SLC35D1: variants seen among roughly 807,000 people sequenced by gnomAD.
SLC35D1 encodes solute carrier family 35 member D1.
A neutral mutation model predicts 46.7 loss-of-function variants in SLC35D1; 31 were observed. That is an observed-to-expected ratio of 0.66 (90% CI 0.50 to 0.90). The LOEUF (loss-of-function observed/expected upper bound fraction) is 0.90. Ranked by LOEUF, SLC35D1 falls within the 40% of genes least tolerant of loss-of-function variation. The pLI is 0.00. For synonymous variants in SLC35D1, 195 were observed against 164.6 expected (o/e 1.18, Z -1.41); for missense variants, 397 against 426.2 (o/e 0.93, Z 0.60).
chr1:66,978,209 A>AAAG, the SLC35D1 span, among the ~76,000 whole-genome samples: 1,295 of 149,562 alleles, frequency 8.7e-3, 11 homozygotes, highest in African/African-American at 0.023. Flanking sequence ...AAAAAAAAAA[A>AAAG]AAAGATGTGC....
chr1:67,024,793 G>C, intron 8 of SLC35D1, among the ~76,000 whole-genome samples: 1 of 151,990 alleles, frequency 6.6e-6, no homozygotes, highest in Non-Finnish European at 1.5e-5. Context: ...AACCAGTCTG[G>C]AGTACAGTGG....
chr1:67,050,536 G>A, intron 4 of SLC35D1, 32 bp from the exon 5 acceptor site: 1 of 1,558,432 alleles, frequency 6.4e-7, no homozygotes, highest in Non-Finnish European at 8.8e-7. Flanking sequence ...AGGTAAAATA[G>A]AATTTAACAA....
intron 10 of SLC35D1, among the ~76,000 whole-genome samples, chr1:67,013,898 T>C (rs1667627370): frequency 6.6e-6 from 1 of 152,268 alleles, no homozygotes. Context: ...TAAAAATGTC[T>C]GTATCAAAGT....
intron 10 of SLC35D1, among the ~76,000 whole-genome samples, chr1:67,019,821 T>G (rs1164849496): frequency 6.6e-6 from 1 of 152,226 alleles, no homozygotes; most frequent in Non-Finnish European, 1.5e-5. Context: ...TAGCTCAATA[T>G]TCAAGTCAAC....
At chr1:66,980,516 T>A in the SLC35D1 span, among the ~76,000 whole-genome samples, 1 of 152,202 alleles carries the variant, frequency 6.6e-6, no homozygotes, top group Non-Finnish European at 1.5e-5. Context: ...TAGGTTGAGA[T>A]AACTACAATT....
the SLC35D1 span, among the ~76,000 whole-genome samples, chr1:66,989,853 G>A: frequency 6.6e-6 from 1 of 152,202 alleles, no homozygotes; most frequent in Admixed American, 6.5e-5. Flanking sequence ...CATCAGAATA[G>A]ATTGATCTGA....
rs1400266033 is a variant in SLC35D1, at chr1:67,053,968, C to T, written c.46G>A (p.Ala16Thr). 1 of 1,613,570 alleles carries T rather than the reference C, an allele frequency of 6.2e-7. No homozygotes were observed. The highest frequency in any genetic ancestry group is 1.7e-5 in the Admixed American group (1 of 60,014). Reference sequence around the variant, plus strand: ...CGGAGTGTGGAGGATTTCGCGGGGGCTTCTCCTTTAACCCGAGCATGCTGA... The same window carrying T: ...CGGAGTGTGGAGGATTTCGCGGGGGTTTCTCCTTTAACCCGAGCATGCTGA... ...RRQHARVKGE[A>T]PAKSSTLRDE... The change falls in exon 1 of 12, where the codon GCC (alanine) becomes ACC (threonine). Residue 16 changes from alanine to threonine, a missense_variant. Physicochemically the swap from Ala to Thr is moderately conservative, Grantham distance 58. Coordinates refer to ENST00000235345, the MANE Select transcript of SLC35D1 (RefSeq NM_015139.3).
chr1:67,035,828 G>A (rs1263933379), intron 8 of SLC35D1, among the ~76,000 whole-genome samples: 1 of 136,406 alleles, frequency 7.3e-6, no homozygotes, highest in Non-Finnish European at 1.6e-5. Context: ...TTTTGATGTA[G>A]GCATTTACAG....
chr1:66,976,844 CGA>C, the SLC35D1 span: 2 of 770,494 alleles, frequency 2.6e-6, no homozygotes, highest in South Asian at 2.9e-5. Context: ...ACCAGAAGGC[CGA>C]GAGTGATAAA....
chr1:67,004,079 TAAGAAA>T lies in SLC35D1; in HGVS notation c.*255_*260del. The T allele has an allele frequency of 2.5e-6, 1 of 396,704 alleles. No homozygotes were observed. Among genetic ancestry groups the T allele is most frequent in the South Asian group, 2.5e-5 (1 of 39,532 alleles). 24.6% of individuals were successfully genotyped at this position (396,704 alleles called of 1,614,324 possible). Reference sequence around the variant, plus strand: ...ACACTGATGTTTCACTGTCGGCATATAAGAAAAATAAATTAAAAAGCCCAGTACCTT... The same window carrying T: ...ACACTGATGTTTCACTGTCGGCATATAATAAATTAAAAAGCCCAGTACCTT... On this transcript the variant is annotated 3_prime_UTR_variant, in exon 12 of 12. Coordinates refer to ENST00000235345, the MANE Select transcript of SLC35D1 (RefSeq NM_015139.3).
chr1:66,996,378 G>C (rs907625178), downstream of SLC35D1, among the ~76,000 whole-genome samples: 1 of 152,228 alleles, frequency 6.6e-6, no homozygotes, highest in African/African-American at 2.4e-5. Context: ...AGTATAGAGC[G>C]GTGATGAGTT....
chr1:67,053,393 C>T (rs904370971), intron 1 of SLC35D1, among the ~76,000 whole-genome samples: 8 of 152,110 alleles, frequency 5.3e-5, no homozygotes, highest in African/African-American at 1.9e-4. Context: ...AGGCTGTCAG[C>T]GGGTGCAGGG....
Position 67,053,967 on chromosome 1 carries a change from G to C in SLC35D1, c.47C>G (p.Ala16Gly), listed in dbSNP as rs1405690514. 2 of 1,613,428 alleles carry C rather than the reference G, an allele frequency of 1.2e-6. No individual in the cohort carries two copies. Among genetic ancestry groups the C allele is most frequent in the Admixed American group, 1.7e-5 (1 of 59,994 alleles). The stretch of plus-strand genomic sequence containing the variant: ...TCGGAGTGTGGAGGATTTCGCGGGG[G>C]CTTCTCCTTTAACCCGAGCATGCTG... ...RRQHARVKGE[A>G]PAKSSTLRDE... Residue 16 changes from alanine (A) to glycine (G), a missense_variant, in exon 1 of 12, where the codon GCC becomes GGC. Physicochemically the swap from Ala to Gly is moderately conservative, Grantham distance 60. Coordinates refer to ENST00000235345, the MANE Select transcript of SLC35D1 (RefSeq NM_015139.3).
intron 7 of SLC35D1, among the ~76,000 whole-genome samples, chr1:67,045,123 G>C (rs1570641864): frequency 6.6e-6 from 1 of 152,260 alleles, no homozygotes; most frequent in East Asian, 1.9e-4. Flanking sequence ...GATATGCATG[G>C]AGGCACACAT....
At chr1:67,042,115 T>A in intron 8 of SLC35D1, 121 bp downstream of exon 8, 2 of 922,442 alleles carry the variant, frequency 2.2e-6, no homozygotes, top group South Asian at 2.6e-5. Flanking sequence ...AAAGAGTAAA[T>A]GCTCAGTTTT....
At chr1:67,031,749 C>T (rs1668021847) in intron 8 of SLC35D1, among the ~76,000 whole-genome samples, 1 of 152,160 alleles carries the variant, frequency 6.6e-6, no homozygotes, top group African/African-American at 2.4e-5. Flanking sequence ...GCTCTATCTG[C>T]CTCCTGTGAG....
intron 1 of SLC35D1, among the ~76,000 whole-genome samples, chr1:67,053,526 T>C (rs1216221027): frequency 6.6e-6 from 1 of 151,996 alleles, no homozygotes; most frequent in Non-Finnish European, 1.5e-5. Context: ...TCCATCTCTC[T>C]GAAGGGCAGG....
intron 8 of SLC35D1, among the ~76,000 whole-genome samples, chr1:67,027,910 T>G: frequency 6.6e-6 from 1 of 152,108 alleles, no homozygotes; most frequent in Non-Finnish European, 1.5e-5. Context: ...TTTTGTATTT[T>G]TAGTAGACAC....
intron 9 of SLC35D1, among the ~76,000 whole-genome samples, chr1:67,021,302 C>A (rs549604418): frequency 1.7e-4 from 26 of 152,266 alleles, no homozygotes; most frequent in Non-Finnish European, 3.4e-4. Flanking sequence ...ATGGTGCTTA[C>A]TAAACAGCAG....
Sources: allele counts gnomAD v4.1 joint callset (sites outside exome capture counted in the v4.1 genomes callset), GRCh38; gene constraint gnomAD v4.1.1; transcripts MANE v1.5; gene names NCBI Gene and HGNC (gene_info 2026-07-23, HGNC 2026-07-21).